Variants in CHCHD3 observed in about 807,000 individuals in gnomAD.
CHCHD3 encodes the protein coiled-coil-helix-coiled-coil-helix domain containing 3, also known as MICOS complex subunit MIC19.
A neutral mutation model predicts 38.2 loss-of-function variants in CHCHD3; 20 were observed. The ratio of observed to expected loss-of-function variants is 0.52; its 90% CI spans 0.37 to 0.76. CHCHD3 has a LOEUF of 0.76. Ranked by LOEUF, CHCHD3 falls within the 30% of genes least tolerant of loss-of-function variation. The pLI, the probability that CHCHD3 is intolerant of heterozygous loss-of-function variation, is 0.00. For synonymous variants in CHCHD3, 82 were observed against 100.0 expected (o/e 0.82, Z 1.07); for missense variants, 245 against 279.2 (o/e 0.88, Z 0.87).
chr7:132,883,251 A>G (rs1809116286), intron 5 of CHCHD3, among the ~76,000 whole-genome samples: 1 of 152,230 alleles, frequency 6.6e-6, no homozygotes, highest in Admixed American at 6.5e-5. Context: ...TAGGTATAGA[A>G]GTAAAACAAT....
intron 4 of CHCHD3, among the ~76,000 whole-genome samples, chr7:132,939,127 T>C (rs1296502164): frequency 7.2e-5 from 11 of 152,206 alleles, no homozygotes; most frequent in Non-Finnish European, 8.8e-5. Flanking sequence ...GTGACAGTGG[T>C]CCCAGATTAC....
intron 2 of CHCHD3, among the ~76,000 whole-genome samples, chr7:133,046,453 T>C (rs1813983170): frequency 6.6e-6 from 1 of 152,226 alleles, no homozygotes; most frequent in African/African-American, 2.4e-5. Context: ...TAATAGTAGT[T>C]AATACACCCA....
intron 3 of CHCHD3, among the ~76,000 whole-genome samples, chr7:132,996,775 G>A (rs934435837): frequency 2.0e-5 from 3 of 152,172 alleles, no homozygotes; most frequent in Non-Finnish European, 2.9e-5. Flanking sequence ...CCAGGCTTTC[G>A]AAACGGACCA....
At chr7:133,021,580 A>T (rs1194643434) in intron 3 of CHCHD3, among the ~76,000 whole-genome samples, 1 of 152,218 alleles carries the variant, frequency 6.6e-6, no homozygotes, top group Non-Finnish European at 1.5e-5. Context: ...AATCTAACTG[A>T]AACAAAGTAC....
intron 5 of CHCHD3, among the ~76,000 whole-genome samples, chr7:132,877,506 AT>A (rs1808942132): frequency 6.6e-6 from 1 of 152,244 alleles, no homozygotes; most frequent in Non-Finnish European, 1.5e-5. Context: ...AACAAAAGAT[AT>A]GCTGATACTG....
chr7:133,060,452 G>C (rs1814470964), intron 2 of CHCHD3, among the ~76,000 whole-genome samples: 1 of 152,232 alleles, frequency 6.6e-6, no homozygotes, highest in Admixed American at 6.5e-5. Flanking sequence ...ATCTCACCAG[G>C]ACTGGGTGTC....
At chr7:133,059,321 C>A (rs1330453117) in intron 2 of CHCHD3, among the ~76,000 whole-genome samples, 1 of 152,098 alleles carries the variant, frequency 6.6e-6, no homozygotes, top group Non-Finnish European at 1.5e-5. Flanking sequence ...TAGGGACCTA[C>A]CTCTAGACAC....
chr7:132,966,379 G>A (rs921142591), intron 4 of CHCHD3, among the ~76,000 whole-genome samples: 8 of 152,118 alleles, frequency 5.3e-5, no homozygotes, highest in Non-Finnish European at 1.2e-4. Context: ...CGCCAAATCA[G>A]GACACAGGTC....
At chr7:132,897,881 G>C (rs183861866) in intron 4 of CHCHD3, among the ~76,000 whole-genome samples, 2 of 152,114 alleles carry the variant, frequency 1.3e-5, no homozygotes, top group Non-Finnish European at 1.5e-5. Flanking sequence ...GCGGACCCTC[G>C]CAGTGAGTGT....
intron 5 of CHCHD3, among the ~76,000 whole-genome samples, chr7:132,865,853 A>ATGTGCCTAATCACAAGAAACACT (rs1808610646): frequency 1.3e-5 from 2 of 152,128 alleles, no homozygotes; most frequent in Non-Finnish European, 2.9e-5. Flanking sequence ...CAGACTTCAG[A>ATGTGCCTAATCACAAGAAACACT]TGTGCCTAAT....
intron 2 of CHCHD3, among the ~76,000 whole-genome samples, chr7:133,060,018 T>G (rs945870383): frequency 2.6e-5 from 4 of 152,140 alleles, no homozygotes; most frequent in African/African-American, 9.7e-5. Flanking sequence ...CACAATGAAG[T>G]ACATACTATT....
chr7:132,841,842 A>G (rs1807946701), intron 5 of CHCHD3, among the ~76,000 whole-genome samples: 1 of 152,210 alleles, frequency 6.6e-6, no homozygotes, highest in African/African-American at 2.4e-5. Context: ...TCATGCCTGT[A>G]ATCCCAGCAC....
At chr7:132,980,543 T>C (rs1811891363) in intron 3 of CHCHD3, among the ~76,000 whole-genome samples, 1 of 152,208 alleles carries the variant, frequency 6.6e-6, no homozygotes, top group African/African-American at 2.4e-5. Flanking sequence ...AGTGTAAACT[T>C]TTCTTGTTTG....
At chr7:132,822,200 T>C (rs1343573140) in intron 6 of CHCHD3, among the ~76,000 whole-genome samples, 4 of 152,192 alleles carry the variant, frequency 2.6e-5, no homozygotes, top group African/African-American at 9.7e-5. Context: ...ACTTTCCAAA[T>C]GTTCAAAAGA....
chr7:132,897,365 A>G (rs913906307), intron 4 of CHCHD3, among the ~76,000 whole-genome samples: 1 of 149,630 alleles, frequency 6.7e-6, no homozygotes, highest in Non-Finnish European at 1.5e-5. Context: ...ACTAACTTGT[A>G]TTTGTTCAAT....
chr7:132,991,658 G>A (rs1812287552), intron 3 of CHCHD3, among the ~76,000 whole-genome samples: 1 of 152,076 alleles, frequency 6.6e-6, no homozygotes, highest in Non-Finnish European at 1.5e-5. Context: ...AGCAAACCCA[G>A]TAAGATGAAA....
intron 3 of CHCHD3, among the ~76,000 whole-genome samples, chr7:133,011,980 A>C (rs1742733521): frequency 6.6e-6 from 1 of 152,156 alleles, no homozygotes; most frequent in Admixed American, 6.5e-5. Context: ...GCTGGAGTGC[A>C]ATGGCGCAAT....
intron 1 of CHCHD3, among the ~76,000 whole-genome samples, chr7:133,071,346 G>A (rs1436272452): frequency 6.6e-6 from 1 of 152,178 alleles, no homozygotes; most frequent in Non-Finnish European, 1.5e-5. Context: ...GCTGAAGCAA[G>A]AAAATAGAGA....
At chr7:132,863,926 G>A (rs929830071) in intron 5 of CHCHD3, among the ~76,000 whole-genome samples, 5 of 152,194 alleles carry the variant, frequency 3.3e-5, no homozygotes, top group Admixed American at 1.3e-4. Context: ...TTAGGCTGTG[G>A]CTTAAGGGAA....
Sources: gnomAD v4.1 joint callset for allele counts (sites outside exome capture counted in the v4.1 genomes callset) on GRCh38, gnomAD v4.1.1 for gene constraint, MANE v1.5 for transcripts, NCBI Gene and HGNC (gene_info 2026-07-23, HGNC 2026-07-21) for gene names.